TSC22D1: variants seen among roughly 807,000 people sequenced by gnomAD.
TSC22D1 encodes TSC22 domain family member 1.
TSC22D1 carries 9 observed loss-of-function variants against 74.2 expected under a neutral mutation model. The observed-to-expected ratio is 0.12, with a 90% CI of 0.07 to 0.21. The LOEUF is 0.21. Among genes scored for constraint, TSC22D1 ranks in the 10% least tolerant of loss-of-function variants. TSC22D1 has a pLI of 1.00. For synonymous variants in TSC22D1, 586 were observed against 492.5 expected, an observed-to-expected ratio of 1.19 and a Z score of -2.51; for missense variants, 1,427 against 1,304.7, an observed-to-expected ratio of 1.09 and a Z score of -1.44.
intron 1 of TSC22D1, chr13:44,436,526 C>T (rs780810638): frequency 6.2e-7 from 1 of 1,614,076 alleles, no homozygotes; most frequent in South Asian, 1.1e-5. Flanking sequence ...CTCACAGAAG[C>T]GTTTTCAGTC....
intron 1 of TSC22D1, among the ~76,000 whole-genome samples, chr13:44,507,257 C>T (rs1879487755): frequency 1.3e-5 from 2 of 151,946 alleles, no homozygotes; most frequent in Admixed American, 6.6e-5. Context: ...GGGTTAACAG[C>T]CAAGAAAGGA....
chr13:44,434,018 GGTCCCAGC>G lies in TSC22D1; in HGVS notation c.*600_*607del. The G allele has an allele frequency of 6.5e-7, 1 of 1,533,496 alleles. No homozygotes were observed. Among genetic ancestry groups the G allele is most frequent in the Non-Finnish European group, 8.7e-7 (1 of 1,146,394 alleles). 95.0% of individuals were successfully genotyped at this position (1,533,496 alleles called of 1,614,324 possible). A position where few individuals can be genotyped will look rare whatever the true frequency, so the allele number is the denominator to read the frequency against. ...ACAACCTTCATGGTAAGATAGCCTA[GGTCCCAGC>G]TACCTGTCACCATTTTGTCACTCTC... is the stretch of plus-strand genomic sequence containing the variant. On this transcript the variant is annotated 3_prime_UTR_variant, in exon 3 of 3. Transcript: ENST00000458659.
intron 1 of TSC22D1, among the ~76,000 whole-genome samples, chr13:44,444,279 A>AT (rs2138880337): frequency 6.0e-5 from 1 of 16,560 alleles, no homozygotes; most frequent in South Asian, 2.6e-3. Flanking sequence ...ACTCTGTCTC[A>AT]AAAAAAAAAA....
chr13:44,536,620 G>A (rs1052350975), intron 1 of TSC22D1: 2 of 528,478 alleles, frequency 3.8e-6, no homozygotes, highest in African/African-American at 2.1e-5. Flanking sequence ...ATTTTCAAAT[G>A]TTCTTCTGGG....
Position 44,434,664 on chromosome 13 carries a change from C to CGG in TSC22D1, c.3182_3183dup (p.Ala1062ProfsTer26). On this transcript the variant is annotated frameshift_variant, in exon 3 of 3. Coordinates refer to ENST00000458659, the MANE Select transcript of TSC22D1 (RefSeq NM_183422.4). LOFTEE classifies it high-confidence loss of function. The stretch of plus-strand genomic sequence containing the variant: ...CCTGAGCCCTGCGATGCTGGCTGGG[C>CGG]GGGGGGCTGTGTGGTGCCCTGTGGC... 1 of 1,593,974 alleles carries CGG rather than the reference C, an allele frequency of 6.3e-7. No homozygotes were observed. The highest frequency in any genetic ancestry group is 8.5e-7 in the Non-Finnish European group (1 of 1,171,392).
At chr13:44,501,818 TG>T (rs1364206495) in intron 1 of TSC22D1, among the ~76,000 whole-genome samples, 1 of 152,204 alleles carries the variant, frequency 6.6e-6, no homozygotes, top group African/African-American at 2.4e-5. Flanking sequence ...CGCTAACACA[TG>T]TGCTGTGGGC....
At chr13:44,470,405 C>T (rs975086535) in intron 1 of TSC22D1, among the ~76,000 whole-genome samples, 2 of 152,026 alleles carry the variant, frequency 1.3e-5, no homozygotes, top group Admixed American at 6.5e-5. Context: ...TAATTGGATT[C>T]GAAAGGAAAA....
chr13:44,434,256 T>G lies in TSC22D1; in HGVS notation c.*370A>C. On this transcript the variant is annotated 3_prime_UTR_variant, in exon 3 of 3. Transcript: ENST00000458659. ...AGCTCCATCGCTTCACAACCCCATG[T>G]AGGACACTAAGCGCAAGCAGGAGAG... 2 of 1,403,868 alleles carry G rather than the reference T, an allele frequency of 1.4e-6. No homozygotes were observed. The highest frequency in any genetic ancestry group is 1.8e-6 in the Non-Finnish European group (2 of 1,091,596). The allele number at this position is 1,403,868 out of a possible 1,614,324, so 87.0% of individuals were successfully genotyped here.
At chr13:44,510,903 T>A (rs748869984) in intron 1 of TSC22D1, among the ~76,000 whole-genome samples, 36 of 152,246 alleles carry the variant, frequency 2.4e-4, no homozygotes, top group Non-Finnish European at 5.0e-4. Context: ...CCCAGCCATA[T>A]GTTTTTTATA....
rs1275154929 is a variant in TSC22D1 at position 44,574,755 on chromosome 13, T to C, written c.1320A>G (p.Glu440=). The C allele has an allele frequency of 6.2e-7, 1 of 1,614,024 alleles. No homozygotes were observed. Among genetic ancestry groups the C allele is most frequent in the African/African-American group, 1.3e-5 (1 of 74,932 alleles). The change falls in exon 1 of 3, where the codon GAA becomes GAG. Residue 440 remains glutamate, a synonymous_variant. Transcript: ENST00000458659. ...CCACCACTTTATTTATCAGCACACC[T>C]TCTGTAGCAGGTACAGCATTTTCTT... ...YEKENAVPAT[E]GVLINKVVET...
At chr13:44,551,393 T>TGTGTGGGTGG (rs1566169563) in intron 1 of TSC22D1, among the ~76,000 whole-genome samples, 2 of 80,170 alleles carry the variant, frequency 2.5e-5, no homozygotes, top group Non-Finnish European at 5.0e-5. Context: ...CAGATGGGTG[T>TGTGTGGGTGG]GTGTGTGTGT....
chr13:44,437,312 G>T, intron 1 of TSC22D1: 1 of 958,454 alleles, frequency 1.0e-6, no homozygotes, highest in Non-Finnish European at 1.2e-6. Flanking sequence ...CGAGTGTCTT[G>T]ATTTCAATTA....
intron 1 of TSC22D1, among the ~76,000 whole-genome samples, chr13:44,455,871 G>C (rs527967300): frequency 6.6e-6 from 1 of 152,140 alleles, no homozygotes; most frequent in African/African-American, 2.4e-5. Flanking sequence ...TAAAAGAGAC[G>C]TCAATTTCAA....
At chr13:44,459,157 C>G (rs924817140) in intron 1 of TSC22D1, among the ~76,000 whole-genome samples, 1 of 152,152 alleles carries the variant, frequency 6.6e-6, no homozygotes, top group African/African-American at 2.4e-5. Context: ...CCCTTCTAAG[C>G]CCATAAAACA....
chr13:44,433,999 T>C lies in TSC22D1; in HGVS notation c.*627A>G. The stretch of plus-strand genomic sequence containing the variant: ...CAAATATACAATAAGCAAAACAACC[T>C]TCATGGTAAGATAGCCTAGGTCCCA... On this transcript the variant is annotated 3_prime_UTR_variant, in exon 3 of 3. Transcript: ENST00000458659. 1.3e-6 allele frequency: 2 copies of C among 1,534,492 alleles called. No individual in the cohort carries two copies. The highest frequency in any genetic ancestry group is 3.3e-4 in the Middle Eastern group (2 of 5,980).
intron 1 of TSC22D1, among the ~76,000 whole-genome samples, chr13:44,572,438 G>A (rs1883834527): frequency 6.6e-6 from 1 of 152,090 alleles, no homozygotes; most frequent in East Asian, 1.9e-4. Context: ...AATCCTCCAA[G>A]ACTTACTTTC....
intron 1 of TSC22D1, among the ~76,000 whole-genome samples, chr13:44,529,683 C>T (rs540510684): frequency 1.1e-4 from 17 of 152,052 alleles, no homozygotes; most frequent in Non-Finnish European, 2.2e-4. Context: ...TGTTGAAAAC[C>T]GCAAGGAATC....
intron 1 of TSC22D1, among the ~76,000 whole-genome samples, chr13:44,502,654 G>A (rs1175244): frequency 0.98 from 149,036 of 152,302 alleles, 72,968 homozygotes; most frequent in Non-Finnish European, 1. Context: ...TTATATTATC[G>A]TCACCATTTG....
intron 1 of TSC22D1, among the ~76,000 whole-genome samples, chr13:44,563,743 T>C (rs1275635907): frequency 6.6e-6 from 1 of 152,228 alleles, no homozygotes; most frequent in Non-Finnish European, 1.5e-5. Context: ...TTTGCTTATG[T>C]CATTTTGAAA....
Sources: gnomAD v4.1 joint callset for allele counts (sites outside exome capture counted in the v4.1 genomes callset) on GRCh38, gnomAD v4.1.1 for gene constraint, MANE v1.5 for transcripts, NCBI Gene and HGNC (gene_info 2026-07-23, HGNC 2026-07-21) for gene names.